The following SBF2 variants were observed in gnomAD, a reference collection of about 807,000 sequenced individuals.
SBF2 encodes the protein SET binding factor 2.
In SBF2, 112 loss-of-function variants were observed where a neutral mutation model predicts 225.2. The observed-to-expected ratio is 0.50, with a 90% CI of 0.43 to 0.58. The LOEUF is 0.58. Ranked by LOEUF, SBF2 falls within the 20% of genes least tolerant of loss-of-function variation. SBF2 has a pLI of 0.00. For missense variants in SBF2, 1,996 were observed against 2,206.2 expected (o/e 0.90, Z 1.91); for synonymous variants, 763 against 773.3 (o/e 0.99, Z 0.22).
intron 11 of SBF2, 37 bp downstream of exon 11, chr11:9,992,953 A>G (rs1408326183): frequency 1.4e-6 from 2 of 1,407,872 alleles, no homozygotes; most frequent in Non-Finnish European, 2.0e-6. Context: ...ATTAGAATAT[A>G]TTTTTTGGAC....
At chr11:9,925,544 G>C (rs562892172) in intron 16 of SBF2, among the ~76,000 whole-genome samples, 1 of 152,186 alleles carries the variant, frequency 6.6e-6, no homozygotes, top group Non-Finnish European at 1.5e-5. Flanking sequence ...CCAAAGCGCT[G>C]GGATTATAGG....
At chr11:9,930,537 T>C (rs563086246) in intron 16 of SBF2, among the ~76,000 whole-genome samples, 3 of 152,236 alleles carry the variant, frequency 2.0e-5, no homozygotes, top group East Asian at 3.9e-4. Context: ...CAAGAAACTT[T>C]TGGGGATAAT....
chr11:10,257,860 G>A (rs1311513961), intron 1 of SBF2, among the ~76,000 whole-genome samples: 3 of 151,540 alleles, frequency 2.0e-5, no homozygotes, highest in African/African-American at 7.3e-5. Flanking sequence ...AGCCAGGAGA[G>A]GCAGGAGGAC....
chr11:10,231,635 C>T (rs1186192870), intron 1 of SBF2, among the ~76,000 whole-genome samples: 1 of 152,216 alleles, frequency 6.6e-6, no homozygotes, highest in African/African-American at 2.4e-5. Context: ...TATTGGTGAA[C>T]TGCAAATGCT....
intron 13 of SBF2, among the ~76,000 whole-genome samples, chr11:9,980,745 A>T (rs1946920732): frequency 6.6e-6 from 1 of 151,656 alleles, no homozygotes; most frequent in Non-Finnish European, 1.5e-5. Context: ...CGCCCGGCTA[A>T]TTTTTTGTAT....
intron 2 of SBF2, among the ~76,000 whole-genome samples, chr11:10,098,009 G>A (rs1444661974): frequency 1.3e-5 from 2 of 152,008 alleles, no homozygotes; most frequent in African/African-American, 4.8e-5. Context: ...AAAGCACCAT[G>A]GTTTCTGCTA....
At chr11:9,976,334 A>T (rs921400344) in intron 13 of SBF2, among the ~76,000 whole-genome samples, 2 of 152,054 alleles carry the variant, frequency 1.3e-5, no homozygotes, top group African/African-American at 4.8e-5. Context: ...GGTCTTCCAA[A>T]GTGCTGGGAT....
At chr11:10,227,583 G>T (rs1051023798) in intron 1 of SBF2, among the ~76,000 whole-genome samples, 3 of 152,106 alleles carry the variant, frequency 2.0e-5, no homozygotes, top group African/African-American at 4.8e-5. Context: ...TAGGGAATCT[G>T]TTCCCCATTG....
intron 28 of SBF2, chr11:9,819,369 T>A (rs750876495): frequency 2.0e-5 from 3 of 152,008 alleles, no homozygotes; most frequent in African/African-American, 7.2e-5. Flanking sequence ...TCAGAGCAGA[T>A]TGAGTAAGAG....
chr11:10,240,235 G>C (rs1186152656), intron 1 of SBF2, among the ~76,000 whole-genome samples: 1 of 147,092 alleles, frequency 6.8e-6, no homozygotes, highest in Non-Finnish European at 1.5e-5. Context: ...ATCATTTTAG[G>C]AGATATGCAT....
At chr11:10,202,135 C>T (rs947919997) in intron 1 of SBF2, among the ~76,000 whole-genome samples, 1 of 152,276 alleles carries the variant, frequency 6.6e-6, no homozygotes, top group Non-Finnish European at 1.5e-5. Flanking sequence ...ATTAAAATGT[C>T]TTCTTTAACA....
At chr11:10,063,317 A>C (rs1239424493) in intron 2 of SBF2, among the ~76,000 whole-genome samples, 2 of 131,384 alleles carry the variant, frequency 1.5e-5, no homozygotes, top group African/African-American at 5.5e-5. Flanking sequence ...CTCTAACCTA[A>C]AGTAAAAAAA....
At chr11:9,961,924 TAAG>T (rs779537159) in intron 16 of SBF2, 30 bp downstream of exon 16, 7 of 1,595,164 alleles carry the variant, frequency 4.4e-6, no homozygotes, top group African/African-American at 1.3e-5. Context: ...TATTCTCAAA[TAAG>T]AGGAATAATC....
At chr11:10,170,965 C>A (rs958067870) in intron 2 of SBF2, among the ~76,000 whole-genome samples, 1 of 152,068 alleles carries the variant, frequency 6.6e-6, no homozygotes, top group Non-Finnish European at 1.5e-5. Flanking sequence ...TATAGAAATG[C>A]TAATGATTTT....
At chr11:10,210,694 T>C (rs983605317) in intron 1 of SBF2, among the ~76,000 whole-genome samples, 4 of 151,808 alleles carry the variant, frequency 2.6e-5, no homozygotes, top group African/African-American at 9.7e-5. Flanking sequence ...GGGTGTGGGG[T>C]TGTGAAAGGA....
At chr11:10,250,232 G>A (rs527778713) in intron 1 of SBF2, among the ~76,000 whole-genome samples, 4 of 152,174 alleles carry the variant, frequency 2.6e-5, no homozygotes, top group Non-Finnish European at 1.5e-5. Flanking sequence ...AAATTGTTTA[G>A]ATATACAATT....
In SBF2 at chr11:9,829,558, A is replaced by G. The variant is rs908487671; in HGVS notation, c.3653-62T>C. On this transcript the variant is annotated intron_variant, in intron 27 of 39. Coordinates refer to ENST00000256190, the MANE Select transcript of SBF2 (RefSeq NM_030962.4). Reference sequence around the variant, plus strand: ...CTCTGTGTTAACAAAACAAGTATCTATCTATCTATCTATCTACCTATCTAT... The same window carrying G: ...CTCTGTGTTAACAAAACAAGTATCTGTCTATCTATCTATCTACCTATCTAT... 4.7e-6 allele frequency: 6 copies of G among 1,280,680 alleles called. No homozygotes were observed. The African/African-American group carries it at 8.8e-5, about 19-fold the overall frequency. 79.3% of individuals were successfully genotyped at this position (1,280,680 alleles called of 1,614,324 possible).
chr11:10,172,741 AC>A (rs143759022), intron 2 of SBF2, among the ~76,000 whole-genome samples: 15,310 of 151,680 alleles, frequency 0.1, 929 homozygotes, highest in Non-Finnish European at 0.11. Flanking sequence ...ATCTTGGCTC[AC>A]TGTAACCTCT....
chr11:9,932,438 A>C (rs1864562849), intron 16 of SBF2, among the ~76,000 whole-genome samples: 1 of 152,252 alleles, frequency 6.6e-6, no homozygotes, highest in Admixed American at 6.5e-5. Flanking sequence ...ATCTCTCGGC[A>C]GAAACCCTAC....
Sources: gnomAD v4.1 joint callset for allele counts (sites outside exome capture counted in the v4.1 genomes callset) on GRCh38, gnomAD v4.1.1 for gene constraint, MANE v1.5 for transcripts, NCBI Gene and HGNC (gene_info 2026-07-23, HGNC 2026-07-21) for gene names.